KCNQ1: variants seen among roughly 807,000 people sequenced by gnomAD.
KCNQ1 encodes potassium voltage-gated channel subfamily Q member 1.
KCNQ1 carries 49 observed loss-of-function variants against 72.4 expected under a neutral mutation model. The observed-to-expected ratio is 0.68, with a 90% CI of 0.54 to 0.86. The LOEUF (loss-of-function observed/expected upper bound fraction) is 0.86, where lower values mean the gene tolerates loss of function less well. Ranked by LOEUF, KCNQ1 falls within the 40% of genes least tolerant of loss-of-function variation. The pLI is 0.00. For synonymous variants in KCNQ1, 450 were observed against 412.6 expected (o/e 1.09, Z -1.10); for missense variants, 790 against 945.1 (o/e 0.84, Z 2.15).
At chr11:2,571,953 C>T (rs1848340868) in intron 4 of KCNQ1, 60 bp from the exon 5 acceptor site, 1 of 1,441,592 alleles carries the variant, frequency 6.9e-7, no homozygotes, top group South Asian at 1.2e-5. Flanking sequence ...CAGCCCTAGG[C>T]CCGGCGTGAA....
intron 1 of KCNQ1, among the ~76,000 whole-genome samples, chr11:2,514,213 G>T (rs1847253090): frequency 6.6e-6 from 1 of 152,348 alleles, no homozygotes; most frequent in East Asian, 1.9e-4. Flanking sequence ...GCTGGCCGGG[G>T]CGCATTTCCG....
rs1050070067 is a variant in KCNQ1, at chr11:2,559,286, C to G, written c.478-11342C>G. ...GAATCAGTCCTGGGGCCTGGAGGGT[C>G]GTAGAGAAATGTGTGAACATGGCTC... On this transcript the variant is annotated intron_variant, in intron 2 of 15. Coordinates refer to ENST00000155840, the MANE Select transcript of KCNQ1 (RefSeq NM_000218.3). The surrounding 1 kb of genome is among the most constrained non-coding windows in gnomAD (Gnocchi z 4.9). Among the ~76,000 whole-genome samples, 8 of 152,086 alleles carry G rather than the reference C, an allele frequency of 5.3e-5. No individual in the cohort carries two copies. Among genetic ancestry groups the G allele is most frequent in the Non-Finnish European group, 1.0e-4 (7 of 68,024 alleles).
intron 15 of KCNQ1, among the ~76,000 whole-genome samples, chr11:2,780,245 C>G (rs1846798606): frequency 1.3e-5 from 2 of 152,210 alleles, no homozygotes; most frequent in Non-Finnish European, 2.9e-5. Context: ...TGGTGCACCC[C>G]TCAGGGACAG....
At chr11:2,773,292 T>C (rs921236850) in intron 12 of KCNQ1, among the ~76,000 whole-genome samples, 4 of 150,930 alleles carry the variant, frequency 2.7e-5, no homozygotes, top group South Asian at 4.2e-4. Context: ...ATCTCCATTA[T>C]ACAGAAAGGA....
chr11:2,469,220 T>C lies in KCNQ1; in HGVS notation c.386+23736T>C, dbSNP rs545862660. ...TTCTTTGGTAAAGTGTCTGTCAAAT[T>C]GTCTGTTAAGAAAACGTGGGTGGTT... On this transcript the variant is annotated intron_variant, in intron 1 of 15. Transcript: ENST00000155840. Among the ~76,000 whole-genome samples the C allele has an allele frequency of 4.6e-5, 7 of 152,266 alleles. No homozygotes were observed. In the East Asian group the frequency reaches 1.2e-3, roughly 25 times the overall value.
chr11:2,799,375 A>T (rs924518541), intron 15 of KCNQ1, among the ~76,000 whole-genome samples: 209 of 147,400 alleles, frequency 1.4e-3, no homozygotes, highest in African/African-American at 4.7e-3. Context: ...TGTAAGTTCG[A>T]GTGTGTGTGT....
At chr11:2,554,419 T>A (rs1052400100) in intron 2 of KCNQ1, among the ~76,000 whole-genome samples, 3 of 152,198 alleles carry the variant, frequency 2.0e-5, no homozygotes, top group Admixed American at 2.0e-4. Flanking sequence ...CCAGCCCAAA[T>A]TTGGAAACAA....
At chr11:2,707,991 A>G (rs532554489) in intron 11 of KCNQ1, among the ~76,000 whole-genome samples, 1 of 152,326 alleles carries the variant, frequency 6.6e-6, no homozygotes, top group African/African-American at 2.4e-5. Flanking sequence ...GAATGTGCAC[A>G]GGTCGAGGAG....
Position 2,690,313 on chromosome 11 carries a change from G to A in KCNQ1, c.1514+28232G>A, listed in dbSNP as rs774155339. 1.8e-5 allele frequency: 7 copies of A among 398,572 alleles called. No homozygotes were observed. The highest frequency in any genetic ancestry group is 2.7e-5 in the Non-Finnish European group (6 of 226,102). 24.7% of individuals were successfully genotyped at this position (398,572 alleles called of 1,614,324 possible). On this transcript the variant is annotated intron_variant, in intron 11 of 15. Transcript: ENST00000155840. The surrounding 1 kb of genome is among the most constrained non-coding windows in gnomAD (Gnocchi z 5.1). ...CTTCCTCCCTGTAGGATTGTCACAAGGATTAAATGATGTCAAGTCTGAGGC... is the reference window on the plus strand; with the variant it reads ...CTTCCTCCCTGTAGGATTGTCACAAAGATTAAATGATGTCAAGTCTGAGGC...
rs992807134 is a variant in KCNQ1 at position 2,764,479 on chromosome 11, A to G, written c.1515-4365A>G. On this transcript the variant is annotated intron_variant, in intron 11 of 15. Coordinates refer to ENST00000155840, the MANE Select transcript of KCNQ1 (RefSeq NM_000218.3). The surrounding 1 kb of genome is among the most constrained non-coding windows in gnomAD (Gnocchi z 4.8). ...TAGGATATTTGCACGTATGTTCACG[A>G]GAGAGATTAACCTGTGATTTTTTTT... 6.6e-6 allele frequency among the ~76,000 whole-genome samples: 1 copy of G among 152,172 alleles called. No homozygotes were observed. The highest frequency in any genetic ancestry group is 2.4e-5 in the African/African-American group (1 of 41,436).
At chr11:2,610,049 TA>T (rs1848953709) in intron 10 of KCNQ1, 1 of 397,846 alleles carries the variant, frequency 2.5e-6, no homozygotes, top group Non-Finnish European at 4.4e-6. Flanking sequence ...TCCACAGTTT[TA>T]CTTTTGGTCT....
chr11:2,511,003 C>T (rs970112572), intron 1 of KCNQ1, among the ~76,000 whole-genome samples: 24 of 152,334 alleles, frequency 1.6e-4, no homozygotes, highest in Admixed American at 1.1e-3. Context: ...TGCCTCTCCC[C>T]GAGACGTCAC....
chr11:2,846,908 C>T (rs900758617), intron 15 of KCNQ1, among the ~76,000 whole-genome samples: 22 of 152,248 alleles, frequency 1.4e-4, no homozygotes, highest in Non-Finnish European at 2.5e-4. Context: ...CTTTGCAGGG[C>T]AGCCACCCTG....
At chr11:2,811,614 G>A (rs1230417453) in intron 15 of KCNQ1, among the ~76,000 whole-genome samples, 1 of 152,246 alleles carries the variant, frequency 6.6e-6, no homozygotes, top group African/African-American at 2.4e-5. Context: ...TTCTGTGATC[G>A]TCCTCCTTCT....
At chr11:2,741,191 C>T (rs1311565173) in intron 11 of KCNQ1, among the ~76,000 whole-genome samples, 2 of 152,104 alleles carry the variant, frequency 1.3e-5, no homozygotes, top group Non-Finnish European at 2.9e-5. Flanking sequence ...TCAGGGTGGC[C>T]TCAGAGACAG....
intron 10 of KCNQ1, chr11:2,615,331 A>G (rs1849043197): frequency 7.5e-6 from 3 of 397,926 alleles, no homozygotes; most frequent in Non-Finnish European, 1.3e-5. Context: ...AGAAGATGTC[A>G]TTATTGAATA....
intron 11 of KCNQ1, among the ~76,000 whole-genome samples, chr11:2,702,767 C>G (rs149055684): frequency 1.3e-4 from 20 of 152,276 alleles, no homozygotes; most frequent in Admixed American, 5.2e-4. Context: ...TCCTTGAGTA[C>G]TCTTAGCAGT....
intron 15 of KCNQ1, among the ~76,000 whole-genome samples, chr11:2,794,929 G>A (rs1485072425): frequency 6.6e-6 from 1 of 152,172 alleles, no homozygotes; most frequent in Non-Finnish European, 1.5e-5. Flanking sequence ...CAGAGACCAG[G>A]CCCAGCCTAG....
chr11:2,477,332 CA>C lies in KCNQ1; in HGVS notation c.386+31851del, dbSNP rs1846585323. On this transcript the variant is annotated intron_variant, in intron 1 of 15. Transcript: ENST00000155840. This position sits in a 1 kb window ranked among gnomAD's most constrained non-coding sequence, Gnocchi z 5.0. ...GATCAAAGGTAGGAAATGCTCTTTACAAAGTCATCAAAAAGTTTTTTCTGGA... is the reference window on the plus strand; with the variant it reads ...GATCAAAGGTAGGAAATGCTCTTTACAAGTCATCAAAAAGTTTTTTCTGGA... 6.6e-6 allele frequency among the ~76,000 whole-genome samples: 1 copy of C among 152,156 alleles called. No individual in the cohort carries two copies. The highest frequency in any genetic ancestry group is 2.4e-5 in the African/African-American group (1 of 41,446).
Sources: allele counts gnomAD v4.1 joint callset (sites outside exome capture counted in the v4.1 genomes callset), GRCh38; gene constraint gnomAD v4.1.1; non-coding constraint Gnocchi (gnomAD v3.1); transcripts MANE v1.5; gene names NCBI Gene and HGNC (gene_info 2026-07-23, HGNC 2026-07-21).